Variants in MMS22L observed in about 807,000 individuals in gnomAD.
MMS22L encodes protein MMS22-like.
Under a neutral mutation model 159.1 loss-of-function variants are expected in MMS22L, and 74 were observed. That is an observed-to-expected ratio of 0.47 (90% CI 0.39 to 0.56). The LOEUF (loss-of-function observed/expected upper bound fraction) is 0.56. Among genes scored for constraint, MMS22L ranks in the 20% least tolerant of loss-of-function variants. The probability of loss-of-function intolerance (pLI) is 0.00; values close to 1 mark genes in which losing one functional copy is unlikely to be tolerated. For missense variants in MMS22L, 1,351 were observed against 1,422.1 expected, an observed-to-expected ratio of 0.95 and a Z score of 0.80; for synonymous variants, 517 against 506.9, an observed-to-expected ratio of 1.02 and a Z score of -0.27.
At chr6:97,158,463 C>T (rs748082386) in intron 22 of MMS22L, among the ~76,000 whole-genome samples, 6 of 152,060 alleles carry the variant, frequency 3.9e-5, no homozygotes, top group Non-Finnish European at 8.8e-5. Context: ...TATAAATTTC[C>T]CTCTACACAC....
chr6:97,233,498 T>C (rs968220868), intron 12 of MMS22L, among the ~76,000 whole-genome samples: 1 of 152,162 alleles, frequency 6.6e-6, no homozygotes, highest in African/African-American at 2.4e-5. Context: ...TAGTAGCCTA[T>C]AAGCTACTCA....
chr6:97,240,135 ATAT>A (rs1199406524), intron 11 of MMS22L, among the ~76,000 whole-genome samples: 6 of 152,204 alleles, frequency 3.9e-5, no homozygotes, highest in Non-Finnish European at 8.8e-5. Context: ...CTATCCAAAT[ATAT>A]TATTCTTTAC....
intron 18 of MMS22L, among the ~76,000 whole-genome samples, chr6:97,173,765 A>T (rs776035283): frequency 6.6e-6 from 1 of 152,182 alleles, no homozygotes; most frequent in East Asian, 1.9e-4. Context: ...AAGGATGGGC[A>T]GAGAAGGTAG....
intron 22 of MMS22L, among the ~76,000 whole-genome samples, chr6:97,160,701 C>G (rs1802350566): frequency 6.6e-6 from 1 of 151,498 alleles, no homozygotes; most frequent in South Asian, 2.1e-4. Context: ...ATTTTTTTGG[C>G]TTTCTCTCTT....
chr6:97,279,807 T>G lies in MMS22L; in HGVS notation c.291-909A>C, dbSNP rs140118919. Among the ~76,000 whole-genome samples the G allele has an allele frequency of 5.4e-3, 816 of 151,688 alleles. 4 individuals are homozygous for G. Among genetic ancestry groups the G allele is most frequent in the African/African-American group, 0.018 (736 of 41,384 alleles). On this transcript the variant is annotated intron_variant, in intron 3 of 24. Coordinates refer to ENST00000683635, the MANE Select transcript of MMS22L (RefSeq NM_001350599.2). Reference sequence around the variant, plus strand: ...TCTCAAAAAAAAAAAAAAAGAAGTTTAAGATACATAAAACATTCTAGGTTA... The same window carrying G: ...TCTCAAAAAAAAAAAAAAAGAAGTTGAAGATACATAAAACATTCTAGGTTA...
chr6:97,246,111 G>A (rs1303497533), intron 11 of MMS22L: 2 of 424,016 alleles, frequency 4.7e-6, no homozygotes, highest in Non-Finnish European at 9.2e-6. Flanking sequence ...ATTTTAAAAG[G>A]AGGTCAAGTC....
chr6:97,247,650 G>C (rs1475071081), intron 10 of MMS22L, among the ~76,000 whole-genome samples: 3 of 152,060 alleles, frequency 2.0e-5, no homozygotes, highest in Non-Finnish European at 4.4e-5. Context: ...CCCAGGAGGT[G>C]TAGGTTGTAG....
At chr6:97,174,928 G>A (rs1803972279) in intron 18 of MMS22L, among the ~76,000 whole-genome samples, 1 of 152,116 alleles carries the variant, frequency 6.6e-6, no homozygotes, top group Non-Finnish European at 1.5e-5. Context: ...ATAAGAACAA[G>A]AGATATACTT....
At chr6:97,263,104 G>GTT (rs1814674519) in intron 9 of MMS22L, among the ~76,000 whole-genome samples, 1 of 152,084 alleles carries the variant, frequency 6.6e-6, no homozygotes, top group Non-Finnish European at 1.5e-5. Context: ...TTGAAAAAAA[G>GTT]TAAGGGTTGA....
Position 97,151,757 on chromosome 6 carries a change from T to C in MMS22L, c.3482+14A>G. 12 of 1,608,222 alleles carry C rather than the reference T, an allele frequency of 7.5e-6. No individual in the cohort carries two copies. The highest frequency in any genetic ancestry group is 1.0e-5 in the Non-Finnish European group (12 of 1,175,282). On this transcript the variant is annotated intron_variant, in intron 23 of 24. Coordinates refer to ENST00000683635, the MANE Select transcript of MMS22L (RefSeq NM_001350599.2). ...GCAATAGTTTCCTTGCCAGGTGGCATATTTTCCAGTTACCTAAACACAGAA... is the reference window on the plus strand; with the variant it reads ...GCAATAGTTTCCTTGCCAGGTGGCACATTTTCCAGTTACCTAAACACAGAA...
intron 14 of MMS22L, among the ~76,000 whole-genome samples, chr6:97,196,757 C>G (rs973530123): frequency 4.6e-5 from 7 of 152,006 alleles, no homozygotes; most frequent in Non-Finnish European, 1.0e-4. Flanking sequence ...CTAGTTGTCT[C>G]TGAAATATTT....
At chr6:97,189,811 G>C (rs1410161064) in intron 14 of MMS22L, among the ~76,000 whole-genome samples, 1 of 152,068 alleles carries the variant, frequency 6.6e-6, no homozygotes, top group Non-Finnish European at 1.5e-5. Context: ...TAGTTTGAAA[G>C]TTCAAGCTTT....
intron 11 of MMS22L, among the ~76,000 whole-genome samples, chr6:97,239,476 G>C (rs1811819886): frequency 1.3e-5 from 2 of 152,134 alleles, no homozygotes; most frequent in South Asian, 2.1e-4. Flanking sequence ...ATATTAAATA[G>C]GATTACCTCT....
chr6:97,251,085 G>T (rs1308799071), intron 10 of MMS22L, among the ~76,000 whole-genome samples: 1 of 152,128 alleles, frequency 6.6e-6, no homozygotes, highest in Non-Finnish European at 1.5e-5. Context: ...ATGACTATCT[G>T]ATTTGTCAAT....
chr6:97,235,162 T>A (rs1811265118), intron 11 of MMS22L, among the ~76,000 whole-genome samples: 2 of 152,190 alleles, frequency 1.3e-5, no homozygotes, highest in African/African-American at 4.8e-5. Flanking sequence ...TGCGAAACTA[T>A]AAGACTGAAA....
intron 13 of MMS22L, 74 bp from the exon 14 acceptor site, chr6:97,229,477 G>T: frequency 9.6e-7 from 1 of 1,045,770 alleles, no homozygotes; most frequent in Non-Finnish European, 1.3e-6. Flanking sequence ...AAGAAAATTT[G>T]TTTCAATACT....
intron 8 of MMS22L, chr6:97,267,008 T>A (rs546070425): frequency 1.3e-5 from 2 of 152,202 alleles, no homozygotes; most frequent in African/African-American, 4.8e-5. Flanking sequence ...AAAATAAGAA[T>A]GTGAGATAAT....
chr6:97,166,238 A>G lies in MMS22L; in HGVS notation c.3010-781T>C, dbSNP rs182344797. 2.0e-3 allele frequency among the ~76,000 whole-genome samples: 304 copies of G among 152,280 alleles called. 1 individual carries two copies. Among genetic ancestry groups the G allele is most frequent in the Middle Eastern group, 3.4e-3 (1 of 294 alleles). The stretch of plus-strand genomic sequence containing the variant: ...TAAACCAATACTCTGAGAGAAAATA[A>G]TGTTTTCTGCTAGTATTAGTAAATA... On this transcript the variant is annotated intron_variant, in intron 20 of 24. Transcript: ENST00000683635.
intron 24 of MMS22L, 98 bp downstream of exon 24, chr6:97,149,755 C>T (rs1486579045): frequency 1.6e-6 from 2 of 1,255,648 alleles, no homozygotes; most frequent in East Asian, 5.3e-5. Flanking sequence ...AGAACATACC[C>T]AAATTTTGGG....
Sources: gnomAD v4.1 joint callset for allele counts (sites outside exome capture counted in the v4.1 genomes callset) on GRCh38, gnomAD v4.1.1 for gene constraint, MANE v1.5 for transcripts, NCBI Gene and HGNC (gene_info 2026-07-23, HGNC 2026-07-21) for gene names.